Variants in CYP4F22 observed in about 807,000 individuals in gnomAD.
CYP4F22 encodes cytochrome P450 family 4 subfamily F member 22.
CYP4F22 carries 37 observed loss-of-function variants against 60.4 expected under a neutral mutation model. That is an observed-to-expected ratio of 0.61 (90% CI 0.47 to 0.81). The LOEUF (loss-of-function observed/expected upper bound fraction) is 0.81. Among genes scored for constraint, CYP4F22 ranks in the 30% least tolerant of loss-of-function variants. CYP4F22 has a pLI of 0.00. For synonymous variants in CYP4F22, 258 were observed against 280.5 expected (o/e 0.92, Z 0.80); for missense variants, 655 against 715.0 (o/e 0.92, Z 0.96).
chr19:15,518,647 CAA>C (rs748509278), intron 1 of CYP4F22, among the ~76,000 whole-genome samples: 7 of 23,512 alleles, frequency 3.0e-4, no homozygotes, highest in African/African-American at 7.8e-4. Context: ...GACTTTGTCT[CAA>C]AAAAAAAAAA....
intron 1 of CYP4F22, among the ~76,000 whole-genome samples, chr19:15,523,345 A>T (rs577570774): frequency 6.6e-6 from 1 of 152,252 alleles, no homozygotes; most frequent in East Asian, 1.9e-4. Flanking sequence ...GGGCAACAAG[A>T]GCAAGACTCT....
At chr19:15,539,460 CT>C (rs1971434415) in intron 7 of CYP4F22, among the ~76,000 whole-genome samples, 1 of 152,222 alleles carries the variant, frequency 6.6e-6, no homozygotes, top group Non-Finnish European at 1.5e-5. Context: ...ACTGTTTCCA[CT>C]TTTCGACCTT....
chr19:15,515,147 G>A (rs1971138535), intron 1 of CYP4F22, among the ~76,000 whole-genome samples: 1 of 152,104 alleles, frequency 6.6e-6, no homozygotes, highest in Non-Finnish European at 1.5e-5. Flanking sequence ...CCGAGTGGCC[G>A]TCACAACAAA....
intron 10 of CYP4F22, 50 bp downstream of exon 10, chr19:15,544,329 T>C (rs1481769622): frequency 1.3e-6 from 2 of 1,586,032 alleles, no homozygotes; most frequent in South Asian, 2.3e-5. Flanking sequence ...GCCAGAGCCT[T>C]GGGTGTAAGC....
chr19:15,544,859 G>C (rs1356107989), intron 10 of CYP4F22, among the ~76,000 whole-genome samples: 1 of 152,060 alleles, frequency 6.6e-6, no homozygotes, highest in Non-Finnish European at 1.5e-5. Flanking sequence ...TCAGGAGTTC[G>C]AGATCAACCT....
chr19:15,526,180 A>G (rs1006595925), intron 3 of CYP4F22, among the ~76,000 whole-genome samples: 1 of 152,028 alleles, frequency 6.6e-6, no homozygotes. Context: ...GGAAAAAAAA[A>G]AGAACTCTCT....
intron 8 of CYP4F22, among the ~76,000 whole-genome samples, chr19:15,542,197 C>A (rs1193801903): frequency 6.6e-6 from 1 of 152,080 alleles, no homozygotes; most frequent in African/African-American, 2.4e-5. Context: ...CTCTTTACAT[C>A]TTTCTTTTCT....
At chr19:15,544,309 G>A (rs776790880) in intron 10 of CYP4F22, 30 bp downstream of exon 10, 3 of 1,605,852 alleles carry the variant, frequency 1.9e-6, no homozygotes, top group Non-Finnish European at 2.6e-6. Flanking sequence ...AATGGAGGGG[G>A]CAGGTTGAGG....
intron 3 of CYP4F22, 96 bp from the exon 4 acceptor site, chr19:15,529,613 G>A: frequency 6.5e-7 from 1 of 1,528,118 alleles, no homozygotes; most frequent in Non-Finnish European, 8.9e-7. Flanking sequence ...TAGCACTATT[G>A]GGCTTGTTTT....
intron 4 of CYP4F22, among the ~76,000 whole-genome samples, chr19:15,532,096 TTC>T (rs568531993): frequency 1.4e-3 from 209 of 151,722 alleles, no homozygotes; most frequent in African/African-American, 4.9e-3. Context: ...CAGAGTGAGA[TTC>T]TGTCTCTAAA....
chr19:15,547,715 T>G (rs906833284), intron 10 of CYP4F22, among the ~76,000 whole-genome samples: 10 of 151,312 alleles, frequency 6.6e-5, no homozygotes, highest in African/African-American at 2.4e-4. Flanking sequence ...CCCAGCTACT[T>G]GGGAGGCTGA....
chr19:15,531,053 G>A (rs568806887), intron 4 of CYP4F22, among the ~76,000 whole-genome samples: 5 of 152,160 alleles, frequency 3.3e-5, no homozygotes, highest in Admixed American at 1.3e-4. Context: ...ACTAGCCTGG[G>A]CAACACAGCA....
At chr19:15,529,249 C>T (rs552437653) in intron 3 of CYP4F22, among the ~76,000 whole-genome samples, 39 of 151,986 alleles carry the variant, frequency 2.6e-4, no homozygotes, top group South Asian at 2.5e-3. Flanking sequence ...CTGTCTCAGT[C>T]TCCTGAGTAG....
At position 15,509,898 on chromosome 19, in the gene CYP4F22, TTC is replaced by T. The variant is rs1568350793; in HGVS notation, c.-109+1316_-109+1317del. On this transcript the variant is annotated intron_variant, in intron 1 of 13. Coordinates refer to ENST00000269703, the MANE Select transcript of CYP4F22 (RefSeq NM_173483.4). ...CTTCCTTCCTTCCTTCCTTCCTTCC[TTC>T]CTTCCTTTCTTTCTTTCCTTCCTTC... 1.0e-3 allele frequency among the ~76,000 whole-genome samples: 124 copies of T among 123,100 alleles called. 3 individuals carry two copies. In the East Asian group the frequency reaches 0.022, roughly 22 times the overall value. The allele number at this position is 123,100 out of a possible 152,430, so 80.8% of individuals were successfully genotyped here.
Position 15,525,559 on chromosome 19 carries a change from G to A in CYP4F22, c.222+1G>A. ...CTGGCTGCTGGGCCACCTGGGCATGGTAAGTGTGGCCAGGCAGGACTGGGC... is the reference window on the plus strand; with the variant it reads ...CTGGCTGCTGGGCCACCTGGGCATGATAAGTGTGGCCAGGCAGGACTGGGC... On this transcript the variant is annotated splice_donor_variant, in intron 3 of 13. Transcript: ENST00000269703. LOFTEE classifies it high-confidence loss of function. 1 of 1,606,776 alleles carries A rather than the reference G, an allele frequency of 6.2e-7. No individual in the cohort carries two copies. The highest frequency in any genetic ancestry group is 8.5e-7 in the Non-Finnish European group (1 of 1,179,708).
In CYP4F22 at chr19:15,551,822, T is replaced by A; in HGVS notation, c.*351T>A. 2.8e-6 allele frequency: 1 copy of A among 359,980 alleles called. No individual in the cohort carries two copies. Among genetic ancestry groups the A allele is most frequent in the Non-Finnish European group, 5.2e-6 (1 of 192,598 alleles). 22.3% of individuals were successfully genotyped at this position (359,980 alleles called of 1,614,324 possible). On this transcript the variant is annotated 3_prime_UTR_variant, in exon 14 of 14. Coordinates refer to ENST00000269703, the MANE Select transcript of CYP4F22 (RefSeq NM_173483.4). ...CAGGCCACGCCCCTGCAGATCCAGG[T>A]CTCCAGGCCTTGCCCACTGAGCCTT...
At chr19:15,543,900 A>T in intron 8 of CYP4F22, 71 bp from the exon 9 acceptor site, 95 of 1,213,390 alleles carry the variant, frequency 7.8e-5, no homozygotes, top group Middle Eastern at 2.6e-4. Flanking sequence ...GAGATATCTG[A>T]GTTTTGAGGA....
chr19:15,534,280 C>A (rs1334940319), intron 4 of CYP4F22, among the ~76,000 whole-genome samples: 2 of 152,166 alleles, frequency 1.3e-5, no homozygotes, highest in African/African-American at 4.8e-5. Flanking sequence ...GCAGTGGTAA[C>A]ATGTCCAGGC....
chr19:15,540,753 AGGGC>A (rs777399765), intron 8 of CYP4F22, 36 bp downstream of exon 8: 1 of 1,611,476 alleles, frequency 6.2e-7, no homozygotes, highest in South Asian at 1.1e-5. Flanking sequence ...TGGCCTCCCG[AGGGC>A]TGGCCTCCCG....
Sources: gnomAD v4.1 joint callset for allele counts (sites outside exome capture counted in the v4.1 genomes callset) on GRCh38, gnomAD v4.1.1 for gene constraint, MANE v1.5 for transcripts, NCBI Gene and HGNC (gene_info 2026-07-23, HGNC 2026-07-21) for gene names.